Variants in KIAA1549L observed in about 807,000 individuals in gnomAD.
The protein encoded by KIAA1549L is KIAA1549 like.
In KIAA1549L, 88 loss-of-function variants were observed where a neutral mutation model predicts 160.7. That is an observed-to-expected ratio of 0.55 (90% CI 0.46 to 0.65). The LOEUF is 0.65. Among genes scored for constraint, KIAA1549L ranks in the 30% least tolerant of loss-of-function variants. The pLI, the probability that KIAA1549L is intolerant of heterozygous loss-of-function variation, is 0.00. For missense variants in KIAA1549L, 2,258 were observed against 2,437.5 expected (o/e 0.93, Z 1.55); for synonymous variants, 950 against 976.7 (o/e 0.97, Z 0.51).
chr11:33,412,906 G>T (rs1294993762), intron 1 of KIAA1549L, among the ~76,000 whole-genome samples: 3 of 152,218 alleles, frequency 2.0e-5, no homozygotes, highest in Non-Finnish European at 4.4e-5. Flanking sequence ...GCCTGAGCTA[G>T]TAAGTGGCAG....
At chr11:33,404,107 A>G (rs568137579) in intron 1 of KIAA1549L, among the ~76,000 whole-genome samples, 15 of 152,330 alleles carry the variant, frequency 9.8e-5, no homozygotes, top group African/African-American at 3.6e-4. Context: ...TGCTAAATGA[A>G]GTTAATATTT....
At chr11:33,629,502 T>A (rs966220855) in intron 16 of KIAA1549L, among the ~76,000 whole-genome samples, 1 of 151,942 alleles carries the variant, frequency 6.6e-6, no homozygotes, top group African/African-American at 2.4e-5. Context: ...TATTCTTTTT[T>A]CTCTAAACTT....
chr11:33,600,025 G>A (rs1850314104), intron 13 of KIAA1549L, among the ~76,000 whole-genome samples: 1 of 151,958 alleles, frequency 6.6e-6, no homozygotes, highest in African/African-American at 2.4e-5. Flanking sequence ...AAAACGGTAA[G>A]AGCAGAGAAA....
chr11:33,407,626 G>A (rs1006214835), intron 1 of KIAA1549L, among the ~76,000 whole-genome samples: 1 of 152,158 alleles, frequency 6.6e-6, no homozygotes, highest in Non-Finnish European at 1.5e-5. Flanking sequence ...TGGGATTATA[G>A]GCCTGAGCCA....
chr11:33,401,208 A>G (rs1193427708), intron 1 of KIAA1549L, among the ~76,000 whole-genome samples: 1 of 148,128 alleles, frequency 6.8e-6, no homozygotes, highest in Non-Finnish European at 1.5e-5. Context: ...TATATGTAAA[A>G]TATATCTCAT....
At chr11:33,435,818 G>GTGTGTGTGTGTGTGTGTGTGTATA (rs1554976830) in intron 1 of KIAA1549L, among the ~76,000 whole-genome samples, 2 of 45,308 alleles carry the variant, frequency 4.4e-5, no homozygotes, top group African/African-American at 1.7e-4. Context: ...ATATGTGTGT[G>GTGTGTGTGTGTGTGTGTGTGTATA]TATATATATA....
At chr11:33,589,671 A>G (rs1287514955) in intron 11 of KIAA1549L, among the ~76,000 whole-genome samples, 10 of 152,028 alleles carry the variant, frequency 6.6e-5, no homozygotes, top group Non-Finnish European at 1.0e-4. Context: ...ACAAAAAACC[A>G]AGCACCGCAT....
Position 33,645,797 on chromosome 11 carries a change from C to T in KIAA1549L, c.5521C>T (p.Gln1841Ter). 6.2e-7 allele frequency: 1 copy of T among 1,613,974 alleles called. No homozygotes were observed. Among genetic ancestry groups the T allele is most frequent in the Non-Finnish European group, 8.5e-7 (1 of 1,179,888 alleles). Residue 1841 changes from glutamine (Q) to a stop codon, truncating the protein, a stop_gained, in exon 17 of 21, where the codon CAG becomes TAG. Coordinates refer to ENST00000658780, the MANE Select transcript of KIAA1549L (RefSeq NM_012194.3). LOFTEE classifies it high-confidence loss of function. The stretch of plus-strand genomic sequence containing the variant: ...CTCGGAGACCTCCACACTGAGCTCC[C>T]AGCCATCCATCGACGAGGTCAGGCA... ...GHSETSTLSS[Q>*]PSIDEVRQQM...
chr11:33,485,463 AT>A (rs1162499567), intron 1 of KIAA1549L, among the ~76,000 whole-genome samples: 2 of 152,142 alleles, frequency 1.3e-5, no homozygotes, highest in Non-Finnish European at 2.9e-5. Context: ...AAAAGTATCT[AT>A]TTGTTTTTTA....
intron 16 of KIAA1549L, among the ~76,000 whole-genome samples, chr11:33,642,318 G>C (rs1246202056): frequency 6.6e-6 from 1 of 152,136 alleles, no homozygotes; most frequent in Non-Finnish European, 1.5e-5. Flanking sequence ...CACCTCAAGG[G>C]TGTTATAAAT....
At chr11:33,545,653 T>C (rs999826788) in intron 3 of KIAA1549L, among the ~76,000 whole-genome samples, 1 of 152,120 alleles carries the variant, frequency 6.6e-6, no homozygotes, top group African/African-American at 2.4e-5. Context: ...AAAACATCCA[T>C]AGGGCCAAAG....
chr11:33,439,338 T>C (rs1047357119), intron 1 of KIAA1549L, among the ~76,000 whole-genome samples: 1 of 152,216 alleles, frequency 6.6e-6, no homozygotes, highest in Non-Finnish European at 1.5e-5. Flanking sequence ...ATAGGATATA[T>C]ACTGATCAGA....
chr11:33,482,706 A>T (rs1442448931), intron 1 of KIAA1549L, among the ~76,000 whole-genome samples: 4 of 150,172 alleles, frequency 2.7e-5, no homozygotes, highest in African/African-American at 9.8e-5. Context: ...GGTAGCTGGG[A>T]TTATAGGCAC....
intron 1 of KIAA1549L, among the ~76,000 whole-genome samples, chr11:33,538,490 A>G (rs1739150556): frequency 6.6e-6 from 1 of 152,174 alleles, no homozygotes; most frequent in Admixed American, 6.5e-5. Flanking sequence ...TGTTTTTCTT[A>G]AGATGTGACA....
chr11:33,496,015 T>G (rs1385686743), intron 1 of KIAA1549L, among the ~76,000 whole-genome samples: 1 of 152,162 alleles, frequency 6.6e-6, no homozygotes. Flanking sequence ...CAGGCTGGAG[T>G]GCAGAGGTGA....
intron 1 of KIAA1549L, among the ~76,000 whole-genome samples, chr11:33,418,072 C>G (rs113332492): frequency 0.019 from 2,939 of 152,326 alleles, 89 homozygotes; most frequent in African/African-American, 0.067. Flanking sequence ...AGCCACCACA[C>G]CTGGTTCCTA....
At chr11:33,587,916 C>G (rs1565199693) in intron 11 of KIAA1549L, among the ~76,000 whole-genome samples, 1 of 152,120 alleles carries the variant, frequency 6.6e-6, no homozygotes, top group Non-Finnish European at 1.5e-5. Flanking sequence ...GCAGGAGATG[C>G]TAACCAAGAT....
chr11:33,393,883 A>G (rs1345535020), intron 1 of KIAA1549L, among the ~76,000 whole-genome samples: 1 of 152,246 alleles, frequency 6.6e-6, no homozygotes, highest in Non-Finnish European at 1.5e-5. Flanking sequence ...ATAATTGTGT[A>G]TATAAAGGAA....
intron 1 of KIAA1549L, among the ~76,000 whole-genome samples, chr11:33,448,334 A>G (rs2761221): frequency 0.46 from 69,833 of 151,970 alleles, 16,341 homozygotes; most frequent in South Asian, 0.51. Context: ...AATACCAGGG[A>G]TGTATGTCCT....
Sources: gnomAD v4.1 joint callset for allele counts (sites outside exome capture counted in the v4.1 genomes callset) on GRCh38, gnomAD v4.1.1 for gene constraint, MANE v1.5 for transcripts, NCBI Gene and HGNC (gene_info 2026-07-23, HGNC 2026-07-21) for gene names.